ANKRD28: variants seen among roughly 807,000 people sequenced by gnomAD.
ANKRD28 encodes the protein serine/threonine-protein phosphatase 6 regulatory ankyrin repeat subunit A.
ANKRD28 carries 44 observed loss-of-function variants against 126.5 expected under a neutral mutation model. The ratio of observed to expected loss-of-function variants is 0.35; its 90% CI spans 0.27 to 0.45. The LOEUF (loss-of-function observed/expected upper bound fraction) is 0.45, where lower values mean the gene tolerates loss of function less well. Ranked by LOEUF, ANKRD28 falls within the 20% of genes least tolerant of loss-of-function variation. The probability of loss-of-function intolerance (pLI) is 1.00; values close to 1 mark genes in which losing one functional copy is unlikely to be tolerated. For missense variants in ANKRD28, 1,110 were observed against 1,316.6 expected, an observed-to-expected ratio of 0.84 and a Z score of 2.43; for synonymous variants, 442 against 468.5, an observed-to-expected ratio of 0.94 and a Z score of 0.73.
rs1273077631 is a variant in ANKRD28, at chr3:15,845,209, T to A, written c.27+14168A>T. On this transcript the variant is annotated intron_variant, in intron 1 of 27. Transcript: ENST00000399451. The surrounding 1 kb of genome is among the most constrained non-coding windows in gnomAD (Gnocchi z 4.9). The stretch of plus-strand genomic sequence containing the variant: ...CCAAACCATATCACTATTTTAAAAA[T>A]AACTTACAATGCATTTCTTCAAAAT... Among the ~76,000 whole-genome samples the A allele has an allele frequency of 4.6e-5, 7 of 152,208 alleles. No homozygotes were observed. Among genetic ancestry groups the A allele is most frequent in the African/African-American group, 1.7e-4 (7 of 41,454 alleles).
At chr3:15,716,362 G>C (rs1201405579) in intron 8 of ANKRD28, among the ~76,000 whole-genome samples, 1 of 149,236 alleles carries the variant, frequency 6.7e-6, no homozygotes, top group Non-Finnish European at 1.5e-5. Context: ...TGTAATCATA[G>C]TTCACTGCAA....
At chr3:15,803,693 G>A (rs1434147284) in intron 1 of ANKRD28, among the ~76,000 whole-genome samples, 1 of 115,496 alleles carries the variant, frequency 8.7e-6, no homozygotes, top group Non-Finnish European at 1.7e-5. Context: ...AAGAGTGATG[G>A]AGAAGATGAT....
At chr3:15,733,847 T>G (rs1178484708) in intron 6 of ANKRD28, among the ~76,000 whole-genome samples, 3 of 152,214 alleles carry the variant, frequency 2.0e-5, no homozygotes, top group Non-Finnish European at 2.9e-5. Flanking sequence ...AGAAAAAGGA[T>G]TCTACTGCTT....
intron 10 of ANKRD28, 22 bp from the exon 11 acceptor site, chr3:15,712,244 A>G: frequency 2.0e-6 from 3 of 1,530,848 alleles, no homozygotes; most frequent in South Asian, 2.4e-5. Context: ...AGAACAGGAC[A>G]GTATCTTCAT....
At chr3:15,748,493 T>G (rs2057633240) in intron 4 of ANKRD28, among the ~76,000 whole-genome samples, 1 of 152,206 alleles carries the variant, frequency 6.6e-6, no homozygotes, top group Admixed American at 6.5e-5. Flanking sequence ...GATAATCGTT[T>G]TGTTTAAGGA....
chr3:15,693,321 G>A (rs2069052375), intron 17 of ANKRD28, among the ~76,000 whole-genome samples: 1 of 151,588 alleles, frequency 6.6e-6, no homozygotes, highest in South Asian at 2.1e-4. Context: ...AATAGTAATG[G>A]GGGGGCAGAG....
chr3:15,822,723 T>G (rs752121148), intron 1 of ANKRD28, among the ~76,000 whole-genome samples: 3 of 151,354 alleles, frequency 2.0e-5, no homozygotes, highest in Non-Finnish European at 4.4e-5. Context: ...GGAACCAGAA[T>G]GTCATCTCAC....
At chr3:15,719,533 T>C (rs548826943) in intron 8 of ANKRD28, among the ~76,000 whole-genome samples, 1 of 152,312 alleles carries the variant, frequency 6.6e-6, no homozygotes, top group East Asian at 1.9e-4. Flanking sequence ...TGTGCTCTCT[T>C]ATAAAATTAT....
chr3:15,838,535 T>C lies in ANKRD28; in HGVS notation c.27+20842A>G, dbSNP rs2061366138. Reference sequence around the variant, plus strand: ...GGGCAGATCACCTGAGGTCAGGAGTTTGAGACCAGCCTCCAGCCTGGCCAA... The same window carrying C: ...GGGCAGATCACCTGAGGTCAGGAGTCTGAGACCAGCCTCCAGCCTGGCCAA... On this transcript the variant is annotated intron_variant, in intron 1 of 27. Coordinates refer to the ANKRD28 transcript ENST00000399451. The surrounding 1 kb of genome is among the most constrained non-coding windows in gnomAD (Gnocchi z 4.0). Among the ~76,000 whole-genome samples, 1 of 151,986 alleles carries C rather than the reference T, an allele frequency of 6.6e-6. No homozygotes were observed. Among genetic ancestry groups the C allele is most frequent in the Non-Finnish European group, 1.5e-5 (1 of 67,996 alleles).
intron 1 of ANKRD28, among the ~76,000 whole-genome samples, chr3:15,826,038 A>C (rs926157298): frequency 6.6e-6 from 1 of 152,172 alleles, no homozygotes; most frequent in Non-Finnish European, 1.5e-5. Context: ...TTACATAATA[A>C]AGGTGAACAT....
intron 1 of ANKRD28, among the ~76,000 whole-genome samples, chr3:15,844,636 T>C (rs2061492881): frequency 1.3e-5 from 2 of 152,184 alleles, no homozygotes; most frequent in Admixed American, 6.5e-5. Context: ...GATACTTTAA[T>C]AGTTAAAACA....
chr3:15,712,386 T>C (rs2072427668), intron 10 of ANKRD28, among the ~76,000 whole-genome samples, 164 bp from the exon 11 acceptor site: 1 of 152,238 alleles, frequency 6.6e-6, no homozygotes, highest in African/African-American at 2.4e-5. Flanking sequence ...GCATAACTTA[T>C]TAGCCAGCTA....
At chr3:15,852,318 T>C (rs1250192326) in intron 1 of ANKRD28, among the ~76,000 whole-genome samples, 1 of 152,224 alleles carries the variant, frequency 6.6e-6, no homozygotes, top group Non-Finnish European at 1.5e-5. Context: ...CCTGTATTTC[T>C]TTAGTATTTT....
intron 2 of ANKRD28, among the ~76,000 whole-genome samples, chr3:15,767,600 G>A (rs141811335): frequency 7.3e-4 from 110 of 149,828 alleles, no homozygotes; most frequent in African/African-American, 2.4e-3. Flanking sequence ...AGTGGCTCAC[G>A]CCTGTAATCC....
At chr3:15,717,690 C>T (rs1309353675) in intron 8 of ANKRD28, among the ~76,000 whole-genome samples, 8 of 152,032 alleles carry the variant, frequency 5.3e-5, no homozygotes, top group African/African-American at 1.9e-4. Context: ...CTTAGCTGAC[C>T]AAAATCTATT....
At position 15,668,488 on chromosome 3, in the gene ANKRD28, T is replaced by C. The variant is rs1436175603; in HGVS notation, c.*1782A>G. 1.3e-5 allele frequency: 2 copies of C among 152,598 alleles called. No homozygotes were observed. The highest frequency in any genetic ancestry group is 3.9e-4 in the East Asian group (2 of 5,182). 9.5% of individuals were successfully genotyped at this position (152,598 alleles called of 1,614,324 possible). ...TATATTATAAAGAAAAGATGGGGGA[T>C]TAGATTTATAATTTCTGTAAATATT... On this transcript the variant is annotated 3_prime_UTR_variant, in exon 28 of 28. Coordinates refer to ENST00000683139, the MANE Select transcript of ANKRD28 (RefSeq NM_001349278.2).
chr3:15,728,357 T>A (rs1042068993), intron 6 of ANKRD28, among the ~76,000 whole-genome samples: 2 of 152,194 alleles, frequency 1.3e-5, no homozygotes, highest in African/African-American at 2.4e-5. Flanking sequence ...TGCAGTGGTG[T>A]GATCAATCTC....
At chr3:15,813,213 A>C (rs1229899801) in intron 1 of ANKRD28, among the ~76,000 whole-genome samples, 1 of 151,982 alleles carries the variant, frequency 6.6e-6, no homozygotes, top group Non-Finnish European at 1.5e-5. Flanking sequence ...TAAAAATACA[A>C]AAATTAACCG....
intron 2 of ANKRD28, among the ~76,000 whole-genome samples, chr3:15,768,470 G>A (rs1447413321): frequency 6.6e-6 from 1 of 152,076 alleles, no homozygotes; most frequent in Non-Finnish European, 1.5e-5. Flanking sequence ...AATATAGTGA[G>A]ACCTCATCTC....
Sources: allele counts gnomAD v4.1 joint callset (sites outside exome capture counted in the v4.1 genomes callset), GRCh38; gene constraint gnomAD v4.1.1; non-coding constraint Gnocchi (gnomAD v3.1); transcripts MANE v1.5; gene names NCBI Gene and HGNC (gene_info 2026-07-23, HGNC 2026-07-21).